Variants in DOCK1 observed in about 807,000 individuals in gnomAD.
DOCK1 encodes the protein dedicator of cytokinesis 1, also known as dedicator of cytokinesis protein 1.
Under a neutral mutation model 262.7 loss-of-function variants are expected in DOCK1, and 138 were observed. That is an observed-to-expected ratio of 0.53 (90% CI 0.46 to 0.61). The LOEUF is 0.61. DOCK1 is among the 20% of genes least tolerant of loss of function. The pLI, the probability that DOCK1 is intolerant of heterozygous loss-of-function variation, is 0.00. For missense variants in DOCK1, 1,908 were observed against 2,370.7 expected, an observed-to-expected ratio of 0.80 and a Z score of 4.05; for synonymous variants, 866 against 867.4, an observed-to-expected ratio of 1.00 and a Z score of 0.03.
rs977266273 is a variant in DOCK1 at position 127,037,828 on chromosome 10, C to T, written c.2010+12C>T. On this transcript the variant is annotated intron_variant, in intron 19 of 51. Transcript: ENST00000623213. Reference sequence around the variant, plus strand: ...GTGAAGTAGTGAAGGTAACATGGAGCCCAAAGGGACTTTTTGGGTCTTTTT... The same window carrying T: ...GTGAAGTAGTGAAGGTAACATGGAGTCCAAAGGGACTTTTTGGGTCTTTTT... 4.6e-6 allele frequency: 7 copies of T among 1,522,178 alleles called. No individual in the cohort carries two copies. The highest frequency in any genetic ancestry group is 2.4e-5 in the Admixed American group (1 of 40,930). The allele number at this position is 1,522,178 out of a possible 1,614,324, so 94.3% of individuals were successfully genotyped here.
chr10:126,979,704 T>G (rs1185029543), intron 3 of DOCK1, among the ~76,000 whole-genome samples: 1 of 151,944 alleles, frequency 6.6e-6, no homozygotes, highest in Non-Finnish European at 1.5e-5. Context: ...GGCATAGCTA[T>G]TTTTCCATCT....
chr10:126,948,214 GAT>G (rs2035737300), intron 1 of DOCK1, among the ~76,000 whole-genome samples: 3 of 78,568 alleles, frequency 3.8e-5, no homozygotes, highest in Admixed American at 1.3e-4. Flanking sequence ...TGTTGGTGGT[GAT>G]GGTGGTGGTT....
At chr10:127,079,705 C>T (rs985411295) in intron 23 of DOCK1, among the ~76,000 whole-genome samples, 3 of 152,060 alleles carry the variant, frequency 2.0e-5, no homozygotes, top group South Asian at 2.1e-4. Context: ...CCGAGGAGGG[C>T]GGATCACCTG....
At chr10:127,132,163 G>A (rs2050364111) in intron 27 of DOCK1, among the ~76,000 whole-genome samples, 1 of 152,184 alleles carries the variant, frequency 6.6e-6, no homozygotes, top group Non-Finnish European at 1.5e-5. Flanking sequence ...TGCAATATAA[G>A]GCTTTTCTTT....
Position 127,380,158 on chromosome 10 carries a change from T to A in DOCK1, c.3716+36T>A, listed in dbSNP as rs760527435. The A allele has an allele frequency of 2.9e-6, 4 of 1,365,702 alleles. No individual in the cohort carries two copies. In the Admixed American group the frequency reaches 1.0e-4, roughly 35 times the overall value. 84.6% of individuals were successfully genotyped at this position (1,365,702 alleles called of 1,614,324 possible). On this transcript the variant is annotated intron_variant, in intron 36 of 51. Transcript: ENST00000623213. ...ATCACGCTTGTCTGCATGTTAATTA[T>A]AAATAATAATATATGTTGTATGTTT...
chr10:126,931,818 G>C (rs1455410113), intron 1 of DOCK1, among the ~76,000 whole-genome samples: 1 of 152,088 alleles, frequency 6.6e-6, no homozygotes, highest in Non-Finnish European at 1.5e-5. Context: ...CCTGGGCTTC[G>C]GGAGGATGCA....
chr10:127,081,567 T>C (rs1008118623), intron 23 of DOCK1, among the ~76,000 whole-genome samples: 1 of 152,158 alleles, frequency 6.6e-6, no homozygotes, highest in Admixed American at 6.5e-5. Flanking sequence ...CGCTTTCATC[T>C]CTTTCCTGGT....
At chr10:127,002,415 A>C (rs2040657258) in intron 10 of DOCK1, among the ~76,000 whole-genome samples, 1 of 152,214 alleles carries the variant, frequency 6.6e-6, no homozygotes, top group African/African-American at 2.4e-5. Context: ...TGGAATTTAA[A>C]AATTTGGAAT....
chr10:127,381,833 C>G (rs2065841906), intron 37 of DOCK1, among the ~76,000 whole-genome samples: 2 of 152,240 alleles, frequency 1.3e-5, no homozygotes, highest in Admixed American at 1.3e-4. Context: ...TGCTAGTGCT[C>G]TCTGCCTGAT....
In DOCK1 at chr10:127,127,754, C is replaced by G; in HGVS notation, c.2837C>G (p.Ser946Cys). Residue 946 changes from serine (S) to cysteine (C), a missense_variant, in exon 27 of 52, where the codon TCT becomes TGT. By Grantham distance (112) the Ser-to-Cys change is moderately radical (BLOSUM62 -1). Coordinates refer to ENST00000623213, the MANE Select transcript of DOCK1 (RefSeq NM_001290223.2). The stretch of plus-strand genomic sequence containing the variant: ...ACCGTCATTTCCATGGGACGAGATT[C>G]TGAACTCATTGTAAGTGCTTGGTGA... Reference protein sequence around the residue: ...NRTVISMGRDSELIGNFVACM... With the variant: ...NRTVISMGRDCELIGNFVACM... 1.9e-6 allele frequency: 3 copies of G among 1,611,622 alleles called. No individual in the cohort carries two copies. The highest frequency in any genetic ancestry group is 1.7e-6 in the Non-Finnish European group (2 of 1,178,122).
At chr10:127,412,403 T>C (rs1239608970) in intron 43 of DOCK1, among the ~76,000 whole-genome samples, 1 of 152,174 alleles carries the variant, frequency 6.6e-6, no homozygotes, top group Non-Finnish European at 1.5e-5. Flanking sequence ...AGTGGATCCA[T>C]GTTGAAAAGG....
chr10:126,906,859 T>A (rs1289503474), intron 1 of DOCK1, among the ~76,000 whole-genome samples: 1 of 152,180 alleles, frequency 6.6e-6, no homozygotes, highest in Non-Finnish European at 1.5e-5. Context: ...ACGGGGACAG[T>A]CCTGGGACAG....
intron 31 of DOCK1, among the ~76,000 whole-genome samples, chr10:127,353,915 A>G (rs1190431670): frequency 6.6e-6 from 1 of 152,230 alleles, no homozygotes; most frequent in African/African-American, 2.4e-5. Flanking sequence ...ACATCTCCTG[A>G]CACGAGGATG....
intron 31 of DOCK1, chr10:127,344,498 C>T (rs1056847717): frequency 1.3e-5 from 2 of 152,176 alleles, no homozygotes; most frequent in Admixed American, 1.3e-4. Context: ...GGTGTTGCCA[C>T]GTCATCAGTC....
chr10:127,006,363 G>A lies in DOCK1; in HGVS notation c.986-2369G>A, dbSNP rs575184127. ...TGCCCTCTGTCTTCCAGCATCACGC[G>A]GTGCCGTCTGTCTACCCGGCCTCTC... On this transcript the variant is annotated intron_variant, in intron 10 of 51. Transcript: ENST00000623213. Among the ~76,000 whole-genome samples the A allele has an allele frequency of 1.6e-4, 25 of 152,260 alleles. No homozygotes were observed. The South Asian group carries it at 4.4e-3, about 27-fold the overall frequency.
chr10:126,998,346 T>A, intron 8 of DOCK1, 97 bp downstream of exon 8: 1 of 1,498,156 alleles, frequency 6.7e-7, no homozygotes, highest in East Asian at 2.3e-5. Context: ...CTGAGAGGCC[T>A]TGGATGAATG....
intron 28 of DOCK1, among the ~76,000 whole-genome samples, chr10:127,252,424 C>T: frequency 6.9e-6 from 1 of 145,002 alleles, no homozygotes; most frequent in Non-Finnish European, 1.5e-5. Flanking sequence ...GCTTTTGTTG[C>T]CATTGCTTTT....
chr10:127,181,817 T>C (rs2055763395), intron 27 of DOCK1, among the ~76,000 whole-genome samples: 1 of 152,222 alleles, frequency 6.6e-6, no homozygotes, highest in African/African-American at 2.4e-5. Flanking sequence ...AATAGTTAAC[T>C]TAGAGACCTG....
chr10:127,328,678 C>G (rs1224521754), intron 29 of DOCK1, among the ~76,000 whole-genome samples: 1 of 152,106 alleles, frequency 6.6e-6, no homozygotes, highest in Admixed American at 6.5e-5. Context: ...CTCTGGTTGT[C>G]GTGATTGGGC....
Sources: gnomAD v4.1 joint callset for allele counts (sites outside exome capture counted in the v4.1 genomes callset) on GRCh38, gnomAD v4.1.1 for gene constraint, MANE v1.5 for transcripts, NCBI Gene and HGNC (gene_info 2026-07-23, HGNC 2026-07-21) for gene names.